Variants in CSMD1 observed in about 807,000 individuals in gnomAD.
The protein encoded by CSMD1 is CUB and Sushi multiple domains 1, also known as CUB and sushi domain-containing protein 1.
CSMD1 carries 213 observed loss-of-function variants against 417.5 expected under a neutral mutation model. The observed-to-expected ratio is 0.51, with a 90% CI of 0.46 to 0.57. The LOEUF is 0.57. Ranked by LOEUF, CSMD1 falls within the 20% of genes least tolerant of loss-of-function variation. The pLI is 0.00. For synonymous variants in CSMD1, 2,862 were observed against 1,736.8 expected, an observed-to-expected ratio of 1.65 and a Z score of -16.11; for missense variants, 6,923 against 4,529.7, an observed-to-expected ratio of 1.53 and a Z score of -15.17.
intron 3 of CSMD1, among the ~76,000 whole-genome samples, chr8:4,117,886 G>C (rs1288903386): frequency 1.4e-5 from 2 of 148,006 alleles, no homozygotes; most frequent in South Asian, 2.1e-4. Context: ...ACAAAACAAA[G>C]TAGAGGAAAG....
At chr8:4,189,195 A>C (rs1647307) in intron 3 of CSMD1, among the ~76,000 whole-genome samples, 148,793 of 152,346 alleles carry the variant, frequency 0.98, 72,747 homozygotes, top group East Asian at 1. Flanking sequence ...GTGCCCAGCT[A>C]TGCAAACTCA....
At chr8:4,844,994 A>T (rs1471889359) in intron 1 of CSMD1, among the ~76,000 whole-genome samples, 1 of 152,180 alleles carries the variant, frequency 6.6e-6, no homozygotes, top group Non-Finnish European at 1.5e-5. Context: ...GCATTTTAAA[A>T]ATCATTTTCA....
chr8:3,393,628 G>T (rs1229920602), intron 17 of CSMD1, among the ~76,000 whole-genome samples: 6 of 152,014 alleles, frequency 3.9e-5, no homozygotes, highest in Non-Finnish European at 7.4e-5. Flanking sequence ...AGAAAATATG[G>T]CACATATACA....
intron 1 of CSMD1, among the ~76,000 whole-genome samples, chr8:4,759,896 A>G (rs932695100): frequency 1.3e-5 from 2 of 152,230 alleles, no homozygotes; most frequent in East Asian, 1.9e-4. Context: ...TATTTATAAT[A>G]GCATGACTTA....
In CSMD1 at chr8:2,962,619, C is replaced by G; in HGVS notation, c.9475G>C (p.Gly3159Arg). Residue 3159 changes from glycine (G) to arginine (R), a missense_variant, in exon 61 of 70, where the codon GGC becomes CGC. By Grantham distance (125) the Gly-to-Arg change is moderately radical. Transcript: ENST00000635120. ...CTAAGTCGCCCTTCTGCGGGGATGCCAGGGTCTCCGCAGAACACAGCTATG... is the reference window on the plus strand; with the variant it reads ...CTAAGTCGCCCTTCTGCGGGGATGCGAGGGTCTCCGCAGAACACAGCTATG... ...QCLPVFCGDP[G>R]IPAEGRLSGK... 1 of 1,613,730 alleles carries G rather than the reference C, an allele frequency of 6.2e-7. No homozygotes were observed. Among genetic ancestry groups the G allele is most frequent in the Non-Finnish European group, 8.5e-7 (1 of 1,179,776 alleles).
chr8:3,829,031 A>ATTTT (rs1476800839), intron 5 of CSMD1, among the ~76,000 whole-genome samples: 55,265 of 149,746 alleles, frequency 0.37, 10,501 homozygotes, highest in East Asian at 0.57. Context: ...TTTTTTTAAA[A>ATTTT]AAATGTATTT....
chr8:3,304,313 C>G (rs1021170586), intron 25 of CSMD1, among the ~76,000 whole-genome samples: 3 of 151,992 alleles, frequency 2.0e-5, no homozygotes, highest in African/African-American at 4.8e-5. Context: ...ATAAATAAGA[C>G]TTAGTAACCA....
intron 3 of CSMD1, among the ~76,000 whole-genome samples, chr8:4,258,602 T>C (rs1803652694): frequency 4.0e-5 from 2 of 50,416 alleles, no homozygotes; most frequent in African/African-American, 1.4e-4. Flanking sequence ...AGGGAACCCT[T>C]GTTCTCATAG....
intron 5 of CSMD1, among the ~76,000 whole-genome samples, chr8:3,795,873 G>T (rs551269304): frequency 4.0e-5 from 2 of 50,156 alleles, no homozygotes; most frequent in African/African-American, 1.5e-4. Flanking sequence ...TACAGATATA[G>T]ATATATATCT....
chr8:4,683,806 G>T (rs1416799088), intron 1 of CSMD1, among the ~76,000 whole-genome samples: 1 of 151,540 alleles, frequency 6.6e-6, no homozygotes, highest in Non-Finnish European at 1.5e-5. Context: ...AAGAAAAAAT[G>T]GCAGTAAAAA....
At chr8:3,498,302 A>C (rs910937415) in intron 10 of CSMD1, among the ~76,000 whole-genome samples, 1 of 152,188 alleles carries the variant, frequency 6.6e-6, no homozygotes, top group African/African-American at 2.4e-5. Context: ...TTGGAGGTAT[A>C]TGTGGTACTT....
intron 3 of CSMD1, among the ~76,000 whole-genome samples, chr8:4,342,896 G>T (rs944118583): frequency 6.6e-6 from 1 of 152,028 alleles, no homozygotes; most frequent in African/African-American, 2.4e-5. Context: ...AGAAGCAAAG[G>T]ACTTATGTTT....
intron 11 of CSMD1, among the ~76,000 whole-genome samples, chr8:3,474,206 G>C (rs904702075): frequency 6.6e-6 from 1 of 152,082 alleles, no homozygotes; most frequent in Non-Finnish European, 1.5e-5. Context: ...AGGTTTATTG[G>C]CATTAGCTAA....
chr8:4,668,896 T>A (rs1805119988), intron 1 of CSMD1, among the ~76,000 whole-genome samples: 1 of 152,222 alleles, frequency 6.6e-6, no homozygotes, highest in Admixed American at 6.5e-5. Flanking sequence ...ATCTGTTTCC[T>A]CAGATCTCTG....
rs1563196661 is a variant in CSMD1 at position 2,974,076 on chromosome 8, A to AGAGGATGG, written c.8740+374_8740+375insCCATCCTC. On this transcript the variant is annotated intron_variant, in intron 56 of 69. Coordinates refer to ENST00000635120, the MANE Select transcript of CSMD1 (RefSeq NM_033225.6). ...TGGTAGAGGATGGTGGTAGAGGATG[A>AGAGGATGG]TGGTAGAGGATGATGGTAGAGGATG... 3.0e-4 allele frequency among the ~76,000 whole-genome samples: 34 copies of AGAGGATGG among 115,218 alleles called. No homozygotes were observed. The East Asian group carries it at 0.015, about 49-fold the overall frequency. The allele number at this position is 115,218 out of a possible 152,430, so 75.6% of individuals were successfully genotyped here. A position where few individuals can be genotyped will look rare whatever the true frequency, so the allele number is the denominator to read the frequency against.
intron 26 of CSMD1, among the ~76,000 whole-genome samples, chr8:3,280,387 C>A (rs906856828): frequency 6.6e-6 from 1 of 152,158 alleles, no homozygotes; most frequent in Non-Finnish European, 1.5e-5. Flanking sequence ...ACTCACATTT[C>A]CAGAGTTGTA....
At chr8:4,495,886 G>C (rs77303709) in intron 2 of CSMD1, among the ~76,000 whole-genome samples, 1 of 151,740 alleles carries the variant, frequency 6.6e-6, no homozygotes, top group Non-Finnish European at 1.5e-5. Context: ...TGTGTTTTTT[G>C]CTCCATCTTA....
chr8:3,715,827 G>A (rs1445469161), intron 6 of CSMD1, among the ~76,000 whole-genome samples: 2 of 152,190 alleles, frequency 1.3e-5, no homozygotes, highest in African/African-American at 4.8e-5. Flanking sequence ...GCAGGCATGA[G>A]CCACAGCGCC....
intron 7 of CSMD1, among the ~76,000 whole-genome samples, chr8:3,649,214 G>T (rs74764952): frequency 0.025 from 3,788 of 152,110 alleles, 173 homozygotes; most frequent in African/African-American, 0.086. Context: ...TAAGTCTTCC[G>T]ATATTTTCCC....
Sources: allele counts gnomAD v4.1 joint callset (sites outside exome capture counted in the v4.1 genomes callset), GRCh38; gene constraint gnomAD v4.1.1; transcripts MANE v1.5; gene names NCBI Gene and HGNC (gene_info 2026-07-23, HGNC 2026-07-21).